The following ZNF385D variants were observed in gnomAD, a reference collection of about 807,000 sequenced individuals.
The protein encoded by ZNF385D is zinc finger protein 385D, also known as zinc finger protein 659.
In ZNF385D, 15 loss-of-function variants were observed where a neutral mutation model predicts 35.8. The ratio of observed to expected loss-of-function variants is 0.42; its 90% confidence interval spans 0.28 to 0.64. ZNF385D has a LOEUF of 0.64. Ranked by LOEUF, ZNF385D falls within the 30% of genes least tolerant of loss-of-function variation. The pLI is 0.23. For synonymous variants in ZNF385D, 212 were observed against 186.8 expected, an observed-to-expected ratio of 1.13 and a Z score of -1.10; for missense variants, 474 against 494.6, an observed-to-expected ratio of 0.96 and a Z score of 0.39.
chr3:22,150,555 A>G (rs1329361956), intron 3 of ZNF385D, among the ~76,000 whole-genome samples: 2 of 152,102 alleles, frequency 1.3e-5, no homozygotes, highest in African/African-American at 4.8e-5. Flanking sequence ...TAGAAGGCAT[A>G]CCCACTGCAA....
At chr3:22,295,927 A>T (rs1165002900) in intron 2 of ZNF385D, among the ~76,000 whole-genome samples, 2 of 152,150 alleles carry the variant, frequency 1.3e-5, no homozygotes, top group Non-Finnish European at 2.9e-5. Context: ...CTGAAAAAAG[A>T]AACAGGAGAA....
At chr3:21,930,769 C>CA (rs2125245887) in intron 3 of ZNF385D, among the ~76,000 whole-genome samples, 1 of 152,046 alleles carries the variant, frequency 6.6e-6, no homozygotes, top group South Asian at 2.1e-4. Flanking sequence ...TGCCCATATG[C>CA]AAAAACATAA....
intron 2 of ZNF385D, among the ~76,000 whole-genome samples, chr3:22,257,866 C>G (rs1450609354): frequency 6.6e-6 from 1 of 151,766 alleles, no homozygotes; most frequent in East Asian, 1.9e-4. Flanking sequence ...AATTTTGTAT[C>G]AAGTTATTTT....
chr3:21,460,506 TAAAG>T (rs1410891214), intron 4 of ZNF385D, among the ~76,000 whole-genome samples: 4 of 151,584 alleles, frequency 2.6e-5, no homozygotes, highest in Admixed American at 2.0e-4. Context: ...ACAAAATAAA[TAAAG>T]CAACCAATTT....
intron 3 of ZNF385D, among the ~76,000 whole-genome samples, chr3:22,049,578 C>T (rs947770355): frequency 6.6e-6 from 1 of 152,096 alleles, no homozygotes; most frequent in South Asian, 2.1e-4. Context: ...CAATAGTGGA[C>T]ATCTTTGCCT....
At chr3:21,459,134 T>G (rs1004345830) in intron 4 of ZNF385D, among the ~76,000 whole-genome samples, 52 of 152,142 alleles carry the variant, frequency 3.4e-4, no homozygotes, top group African/African-American at 1.1e-3. Flanking sequence ...TTCAGAAGTC[T>G]CAAGACAGGA....
intron 2 of ZNF385D, among the ~76,000 whole-genome samples, chr3:22,177,623 T>C (rs1694923931): frequency 6.6e-6 from 1 of 152,208 alleles, no homozygotes; most frequent in African/African-American, 2.4e-5. Flanking sequence ...AGGGTTTAAG[T>C]GCACAATGTG....
At chr3:21,923,403 G>T (rs1489269746) in intron 3 of ZNF385D, among the ~76,000 whole-genome samples, 1 of 152,190 alleles carries the variant, frequency 6.6e-6, no homozygotes, top group Non-Finnish European at 1.5e-5. Flanking sequence ...TTTATACACT[G>T]TTGATAGAAA....
At chr3:21,847,723 T>C (rs2125801634) in intron 3 of ZNF385D, among the ~76,000 whole-genome samples, 1 of 152,156 alleles carries the variant, frequency 6.6e-6, no homozygotes, top group South Asian at 2.1e-4. Flanking sequence ...ACCACCATAG[T>C]CATGATACAG....
At chr3:22,032,694 C>T (rs1355406802) in intron 3 of ZNF385D, among the ~76,000 whole-genome samples, 1 of 152,072 alleles carries the variant, frequency 6.6e-6, no homozygotes, top group African/African-American at 2.4e-5. Flanking sequence ...TAAAAGCAGG[C>T]AGTTAGGGAA....
intron 2 of ZNF385D, among the ~76,000 whole-genome samples, chr3:22,273,793 C>A (rs1701292701): frequency 6.6e-6 from 1 of 151,948 alleles, no homozygotes; most frequent in Non-Finnish European, 1.5e-5. Context: ...GGGAATTCAA[C>A]TGAACTTCTA....
At chr3:22,276,925 G>A (rs373516254) in intron 2 of ZNF385D, among the ~76,000 whole-genome samples, 37 of 152,124 alleles carry the variant, frequency 2.4e-4, no homozygotes, top group African/African-American at 8.2e-4. Flanking sequence ...GAAATAACAA[G>A]AGATTTGTTA....
chr3:21,916,660 A>G (rs1169956459), intron 3 of ZNF385D, among the ~76,000 whole-genome samples: 1 of 152,238 alleles, frequency 6.6e-6, no homozygotes, highest in Non-Finnish European at 1.5e-5. Flanking sequence ...CTGTTCAAGT[A>G]AACATTCTCT....
At chr3:22,366,122 C>A (rs1213635133) in intron 2 of ZNF385D, among the ~76,000 whole-genome samples, 1 of 151,926 alleles carries the variant, frequency 6.6e-6, no homozygotes, top group African/African-American at 2.4e-5. Context: ...AAGCAGAGTT[C>A]AAAATTTGGC....
intron 2 of ZNF385D, among the ~76,000 whole-genome samples, chr3:22,204,184 A>G (rs556668610): frequency 3.9e-5 from 6 of 152,092 alleles, no homozygotes; most frequent in Non-Finnish European, 8.8e-5. Context: ...GTAAGGGAAG[A>G]TAACAAGAGT....
chr3:21,980,099 A>G (rs1306850988), intron 3 of ZNF385D, among the ~76,000 whole-genome samples: 1 of 152,112 alleles, frequency 6.6e-6, no homozygotes, highest in Non-Finnish European at 1.5e-5. Context: ...TAAGCTAGCT[A>G]TATTGTGGGG....
intron 3 of ZNF385D, among the ~76,000 whole-genome samples, chr3:21,545,817 T>G (rs1382449637): frequency 2.6e-5 from 4 of 152,108 alleles, no homozygotes; most frequent in Non-Finnish European, 2.9e-5. Flanking sequence ...AGTGTCACTT[T>G]CTAACAGGTC....
chr3:21,876,031 A>C lies in ZNF385D; in HGVS notation c.326-211003T>G, dbSNP rs143191909. Among the ~76,000 whole-genome samples, 58 of 152,230 alleles carry C rather than the reference A, an allele frequency of 3.8e-4. No individual in the cohort carries two copies. In the East Asian group the frequency reaches 0.01, roughly 26 times the overall value. ...TAAAATCCAGAAAGAAAAACGAGTT[A>C]CTTCATCATAGTTGGTTTGAGAAGT... On this transcript the variant is annotated intron_variant, in intron 3 of 5. Transcript: ENST00000494108.
chr3:21,665,054 A>G lies in ZNF385D; in HGVS notation c.23-26T>C. Reference sequence around the variant, plus strand: ...CTGTGAAGACCAGAGCAAAGGGAGCAATCAGGGACACCACGCATGGAAAAA... The same window carrying G: ...CTGTGAAGACCAGAGCAAAGGGAGCGATCAGGGACACCACGCATGGAAAAA... On this transcript the variant is annotated intron_variant, in intron 1 of 7. Transcript: ENST00000281523. The G allele has an allele frequency of 2.6e-6, 4 of 1,560,596 alleles. No individual in the cohort carries two copies. In the South Asian group the frequency reaches 3.6e-5, roughly 14 times the overall value.
Sources: allele counts gnomAD v4.1 joint callset (sites outside exome capture counted in the v4.1 genomes callset), GRCh38; gene constraint gnomAD v4.1.1; transcripts MANE v1.5; gene names NCBI Gene and HGNC (gene_info 2026-07-23, HGNC 2026-07-21).